Variants in SEMA3E observed in about 807,000 individuals in gnomAD.
SEMA3E encodes the protein semaphorin 3E.
Under a neutral mutation model 93.6 loss-of-function variants are expected in SEMA3E, and 49 were observed. The ratio of observed to expected loss-of-function variants is 0.52; its 90% CI spans 0.42 to 0.66. The LOEUF is 0.66. SEMA3E is among the 30% of genes least tolerant of loss of function. The pLI is 0.00. For synonymous variants in SEMA3E, 363 were observed against 330.7 expected (o/e 1.10, Z -1.06); for missense variants, 906 against 964.8 (o/e 0.94, Z 0.81).
rs1487210553 is a variant in SEMA3E, at chr7:83,364,417, A to G, written c.*3169T>C. 1.3e-5 allele frequency: 2 copies of G among 152,214 alleles called. No individual in the cohort carries two copies. The highest frequency in any genetic ancestry group is 6.5e-5 in the Admixed American group (1 of 15,286). 9.4% of individuals were successfully genotyped at this position (152,214 alleles called of 1,614,324 possible). On this transcript the variant is annotated 3_prime_UTR_variant, in exon 17 of 17. Coordinates refer to ENST00000643230, the MANE Select transcript of SEMA3E (RefSeq NM_012431.3). ...ACTCTAAAATATGTATGGAATTGCCACTTACTAAACAGGCAGACTTTCTGT... is the reference window on the plus strand; with the variant it reads ...ACTCTAAAATATGTATGGAATTGCCGCTTACTAAACAGGCAGACTTTCTGT...
intron 3 of SEMA3E, 141 bp from the exon 4 acceptor site, chr7:83,466,742 G>A (rs901212488): frequency 3.0e-6 from 3 of 994,562 alleles, no homozygotes; most frequent in African/African-American, 3.2e-5. Flanking sequence ...AGGGGTAGAA[G>A]AAAAGAGGAC....
At chr7:83,527,782 T>C (rs369879015) in intron 1 of SEMA3E, among the ~76,000 whole-genome samples, 2,183 of 152,160 alleles carry the variant, frequency 0.014, 65 homozygotes, top group African/African-American at 0.05. Context: ...TTTGTGATTT[T>C]TTTTTTGTTT....
At chr7:83,452,170 T>A (rs1789376745) in intron 4 of SEMA3E, among the ~76,000 whole-genome samples, 1 of 152,092 alleles carries the variant, frequency 6.6e-6, no homozygotes, top group African/African-American at 2.4e-5. Flanking sequence ...TGTATGAATG[T>A]CCATGAAATA....
chr7:83,486,863 C>T (rs1790268523), intron 2 of SEMA3E, among the ~76,000 whole-genome samples: 1 of 152,070 alleles, frequency 6.6e-6, no homozygotes, highest in Non-Finnish European at 1.5e-5. Flanking sequence ...AAGTCTCCCA[C>T]TCCCCCAAGT....
At chr7:83,394,237 C>A in intron 13 of SEMA3E, 60 bp downstream of exon 13, 2 of 1,550,754 alleles carry the variant, frequency 1.3e-6, no homozygotes, top group Non-Finnish European at 1.8e-6. Context: ...TATCCTTTGA[C>A]CTTACCTTAG....
chr7:83,395,710 G>A (rs943797473), intron 12 of SEMA3E, among the ~76,000 whole-genome samples: 3 of 152,102 alleles, frequency 2.0e-5, no homozygotes, highest in Admixed American at 6.6e-5. Context: ...CAAGCATAGC[G>A]CTGAAGTGCT....
chr7:83,456,979 CCTTT>C (rs772183447), intron 4 of SEMA3E, among the ~76,000 whole-genome samples: 180 of 152,222 alleles, frequency 1.2e-3, no homozygotes, highest in Middle Eastern at 3.4e-3. Context: ...TCAGTAATCT[CCTTT>C]CTAATTACTT....
At chr7:83,543,634 G>A (rs1447775532) in intron 1 of SEMA3E, among the ~76,000 whole-genome samples, 1 of 152,062 alleles carries the variant, frequency 6.6e-6, no homozygotes, top group African/African-American at 2.4e-5. Flanking sequence ...CAGCTCTATT[G>A]TAACTAAAAC....
At chr7:83,623,318 T>A (rs1373429801) in intron 1 of SEMA3E, among the ~76,000 whole-genome samples, 1 of 152,146 alleles carries the variant, frequency 6.6e-6, no homozygotes, top group Non-Finnish European at 1.5e-5. Flanking sequence ...TAAAGGAATA[T>A]GATGAGATAA....
chr7:83,519,598 AC>A (rs2115680953), intron 1 of SEMA3E, among the ~76,000 whole-genome samples: 1 of 152,110 alleles, frequency 6.6e-6, no homozygotes, highest in East Asian at 1.9e-4. Context: ...AAACTCTAAA[AC>A]TTTCTTCAGA....
intron 1 of SEMA3E, among the ~76,000 whole-genome samples, chr7:83,622,645 C>A (rs981537877): frequency 3.3e-5 from 5 of 152,108 alleles, no homozygotes; most frequent in African/African-American, 1.2e-4. Context: ...GAATACTATG[C>A]AGCCGTAAAA....
intron 14 of SEMA3E, among the ~76,000 whole-genome samples, chr7:83,389,032 T>C (rs1175987977): frequency 6.6e-6 from 1 of 151,794 alleles, no homozygotes; most frequent in Non-Finnish European, 1.5e-5. Context: ...AATGTAGAGA[T>C]TGCTGATTAG....
At chr7:83,554,352 C>T (rs1163639157) in intron 1 of SEMA3E, among the ~76,000 whole-genome samples, 1 of 152,088 alleles carries the variant, frequency 6.6e-6, no homozygotes, top group Non-Finnish European at 1.5e-5. Context: ...AATGAGTCCT[C>T]ATAGAAAAGT....
At chr7:83,523,258 T>G (rs2115694563) in intron 1 of SEMA3E, among the ~76,000 whole-genome samples, 1 of 152,190 alleles carries the variant, frequency 6.6e-6, no homozygotes, top group South Asian at 2.1e-4. Context: ...TGACCTTTGT[T>G]GAGTTGGAGA....
chr7:83,469,794 T>A (rs1418869710), intron 2 of SEMA3E, among the ~76,000 whole-genome samples: 1 of 152,112 alleles, frequency 6.6e-6, no homozygotes, highest in African/African-American at 2.4e-5. Context: ...TATTTATTTA[T>A]TTATTATCTT....
intron 1 of SEMA3E, among the ~76,000 whole-genome samples, chr7:83,580,978 G>T (rs570664794): frequency 6.6e-6 from 1 of 151,802 alleles, no homozygotes; most frequent in Non-Finnish European, 1.5e-5. Context: ...TGATGAACTA[G>T]GACTTTAAAA....
intron 4 of SEMA3E, among the ~76,000 whole-genome samples, chr7:83,465,883 TTA>T (rs528346376): frequency 2.6e-4 from 39 of 152,268 alleles, no homozygotes; most frequent in African/African-American, 9.4e-4. Flanking sequence ...CTAGTAAATA[TTA>T]TATGTGTGGC....
At position 83,553,999 on chromosome 7, in the gene SEMA3E, T is replaced by C. The variant is rs116340574; in HGVS notation, c.116-63725A>G. Among the ~76,000 whole-genome samples the C allele has an allele frequency of 2.0e-3, 303 of 152,258 alleles. 1 individual carries two copies. Among genetic ancestry groups the C allele is most frequent in the African/African-American group, 6.2e-3 (259 of 41,570 alleles). On this transcript the variant is annotated intron_variant, in intron 1 of 16. Transcript: ENST00000643230. The stretch of plus-strand genomic sequence containing the variant: ...ATCCTTTTTAACTTTTTAAAAAATT[T>C]GCTGAATTATTAATTCAAAAGCCCA...
At position 83,521,551 on chromosome 7, in the gene SEMA3E, G is replaced by A. The variant is rs749311872; in HGVS notation, c.116-31277C>T. Among the ~76,000 whole-genome samples, 4 of 152,254 alleles carry A rather than the reference G, an allele frequency of 2.6e-5. No individual in the cohort carries two copies. In the South Asian group the frequency reaches 8.3e-4, roughly 32 times the overall value. On this transcript the variant is annotated intron_variant, in intron 1 of 16. Coordinates refer to ENST00000643230, the MANE Select transcript of SEMA3E (RefSeq NM_012431.3). ...GGTACTGTTTTAGTCTGCTTAGGCA[G>A]CTATAACAAAATACCATAAACTGGG... is the stretch of plus-strand genomic sequence containing the variant.
Sources: allele counts gnomAD v4.1 joint callset (sites outside exome capture counted in the v4.1 genomes callset), GRCh38; gene constraint gnomAD v4.1.1; transcripts MANE v1.5; gene names NCBI Gene and HGNC (gene_info 2026-07-23, HGNC 2026-07-21).